Variants in ZFP14 observed in about 807,000 individuals in gnomAD.
The protein encoded by ZFP14 is zinc finger protein 14 homolog.
In ZFP14, 22 loss-of-function variants were observed where a neutral mutation model predicts 54.5. The observed-to-expected ratio is 0.40, with a 90% CI of 0.29 to 0.58. The LOEUF (loss-of-function observed/expected upper bound fraction) is 0.58. ZFP14 is among the 20% of genes least tolerant of loss of function. The pLI is 0.39. For missense variants in ZFP14, 470 were observed against 637.8 expected (o/e 0.74, Z 2.83); for synonymous variants, 159 against 204.0 (o/e 0.78, Z 1.88).
intron 1 of ZFP14, among the ~76,000 whole-genome samples, chr19:36,368,243 T>C (rs568189401): frequency 7.9e-5 from 12 of 152,162 alleles, no homozygotes; most frequent in Non-Finnish European, 1.2e-4. Context: ...CCAAGGCAGT[T>C]GGAGCACCTG....
chr19:36,376,528 G>C (rs1031437211), intron 1 of ZFP14, among the ~76,000 whole-genome samples: 1 of 151,036 alleles, frequency 6.6e-6, no homozygotes, highest in Non-Finnish European at 1.5e-5. Context: ...CTGGGTGACA[G>C]AGCAAAACTC....
chr19:36,338,208 C>T lies in ZFP14; in HGVS notation c.*2016G>A, dbSNP rs937631774. 2.6e-5 allele frequency: 4 copies of T among 152,074 alleles called. No homozygotes were observed. The highest frequency in any genetic ancestry group is 9.7e-5 in the African/African-American group (4 of 41,412). 9.4% of individuals were successfully genotyped at this position (152,074 alleles called of 1,614,324 possible). A position where few individuals can be genotyped will look rare whatever the true frequency, so the allele number is the denominator to read the frequency against. On this transcript the variant is annotated 3_prime_UTR_variant, in exon 5 of 5. Transcript: ENST00000270001. ...GTTTCACCATGTTAACCAGGTTGGT[C>T]TCAAACTCCTGGCCTCAAGTGATCC...
At chr19:36,364,177 A>G (rs902447397) in intron 2 of ZFP14, among the ~76,000 whole-genome samples, 1 of 152,126 alleles carries the variant, frequency 6.6e-6, no homozygotes, top group African/African-American at 2.4e-5. Flanking sequence ...TGAAGAAGGG[A>G]TCCCTGCCCT....
chr19:36,343,152 AT>A (rs1387026032), intron 4 of ZFP14, among the ~76,000 whole-genome samples: 2 of 152,228 alleles, frequency 1.3e-5, no homozygotes, highest in Non-Finnish European at 2.9e-5. Flanking sequence ...GACTGAAACC[AT>A]CTATAGGACA....
At chr19:36,376,347 A>G (rs1054315906) in intron 1 of ZFP14, among the ~76,000 whole-genome samples, 7 of 152,106 alleles carry the variant, frequency 4.6e-5, no homozygotes, top group African/African-American at 1.7e-4. Flanking sequence ...GGAGTTCAAG[A>G]CCAGCCTGGC....
At chr19:36,344,613 C>T (rs891988776) in intron 4 of ZFP14, among the ~76,000 whole-genome samples, 5 of 152,172 alleles carry the variant, frequency 3.3e-5, no homozygotes, top group Admixed American at 1.3e-4. Flanking sequence ...GGGAACCGGG[C>T]TGCACAGCAG....
chr19:36,359,902 G>A (rs2031681843), intron 4 of ZFP14, among the ~76,000 whole-genome samples: 1 of 152,080 alleles, frequency 6.6e-6, no homozygotes. Flanking sequence ...TGACCAGCCT[G>A]CCTCGGCCTC....
chr19:36,365,698 C>T (rs907477717), intron 2 of ZFP14, among the ~76,000 whole-genome samples: 4 of 152,042 alleles, frequency 2.6e-5, no homozygotes, highest in African/African-American at 9.7e-5. Flanking sequence ...GTGGATCACA[C>T]CTATAATGCC....
chr19:36,370,624 C>A (rs933263116), intron 1 of ZFP14, among the ~76,000 whole-genome samples: 2 of 152,240 alleles, frequency 1.3e-5, no homozygotes, highest in East Asian at 3.9e-4. Context: ...AGCACTGCAC[C>A]AGCCAGAGTG....
At chr19:36,364,985 T>C in intron 2 of ZFP14, among the ~76,000 whole-genome samples, 1 of 134,410 alleles carries the variant, frequency 7.4e-6, no homozygotes, top group South Asian at 2.3e-4. Flanking sequence ...TTCTTTCCTT[T>C]TTCTTTTTCT....
At chr19:36,352,972 G>A (rs1410984920) in intron 4 of ZFP14, among the ~76,000 whole-genome samples, 1 of 140,080 alleles carries the variant, frequency 7.1e-6, no homozygotes, top group Non-Finnish European at 1.6e-5. Context: ...CATGTGTGGT[G>A]GTGCGCACCT....
intron 4 of ZFP14, among the ~76,000 whole-genome samples, chr19:36,355,884 C>G (rs2031604756): frequency 7.0e-6 from 1 of 142,126 alleles, no homozygotes; most frequent in Non-Finnish European, 1.6e-5. Context: ...CTATGGTATT[C>G]TGTTACAGCA....
In ZFP14 at chr19:36,341,439, A is replaced by G. The variant is rs1225058807; in HGVS notation, c.387T>C (p.Ile129=). Reference sequence around the variant, plus strand: ...CCTCTTGTTGTTCCTTTTCCCCCTCAATCTTGCTTTTGCATTCCCAATCAT... The same window carrying G: ...CCTCTTGTTGTTCCTTTTCCCCCTCGATCTTGCTTTTGCATTCCCAATCAT... ...FRNDWECKSK[I]EGEKEQQEGY... is the part of the protein sequence containing the mutation. The change falls in exon 5 of 5, where the codon ATT becomes ATC. Residue 129 remains isoleucine, a synonymous_variant. Transcript: ENST00000270001. This position sits in a 1 kb window ranked among gnomAD's most constrained non-coding sequence, Gnocchi z 4.2. 15 of 1,614,072 alleles carry G rather than the reference A, an allele frequency of 9.3e-6. No homozygotes were observed. Among genetic ancestry groups the G allele is most frequent in the Middle Eastern group, 1.6e-4 (1 of 6,062 alleles).
intron 4 of ZFP14, among the ~76,000 whole-genome samples, chr19:36,359,740 C>T (rs1316990927): frequency 2.0e-5 from 3 of 151,982 alleles, no homozygotes; most frequent in East Asian, 1.9e-4. Context: ...CTGCAACCTC[C>T]GCCTCCCGGG....
At chr19:36,362,860 C>A in intron 2 of ZFP14, 2 of 279,050 alleles carry the variant, frequency 7.2e-6, no homozygotes, top group Non-Finnish European at 1.4e-5. Context: ...TCAAATTCAT[C>A]ACAAACTCGG....
intron 4 of ZFP14, among the ~76,000 whole-genome samples, chr19:36,348,974 T>C (rs1454307997): frequency 1.3e-5 from 2 of 151,878 alleles, no homozygotes; most frequent in Admixed American, 1.3e-4. Flanking sequence ...ACACCTGTAA[T>C]CCCAGCACTT....
chr19:36,350,137 CAA>C lies in ZFP14; in HGVS notation c.236-8549_236-8548del, dbSNP rs74174404. On this transcript the variant is annotated intron_variant, in intron 4 of 4. Coordinates refer to ENST00000270001, the MANE Select transcript of ZFP14 (RefSeq NM_020917.3). ...CTCTGTCTCAAAAAAACAAAACAAA[CAA>C]AAAAAAAAAACAGAAAAGAACATAA... Among the ~76,000 whole-genome samples, 3 of 126,548 alleles carry C rather than the reference CAA, an allele frequency of 2.4e-5. 1 individual carries two copies. The highest frequency in any genetic ancestry group is 5.1e-5 in the Non-Finnish European group (3 of 58,702). The allele number at this position is 126,548 out of a possible 152,430, so 83.0% of individuals were successfully genotyped here.
intron 4 of ZFP14, among the ~76,000 whole-genome samples, chr19:36,350,257 T>C (rs1295945829): frequency 2.1e-5 from 3 of 142,086 alleles, no homozygotes; most frequent in Non-Finnish European, 3.1e-5. Flanking sequence ...TCTGAAGATA[T>C]AGTAACCAGA....
At chr19:36,365,473 T>G (rs1273268754) in intron 2 of ZFP14, among the ~76,000 whole-genome samples, 2 of 152,130 alleles carry the variant, frequency 1.3e-5, no homozygotes, top group Non-Finnish European at 1.5e-5. Flanking sequence ...AAGAACGTGA[T>G]AGCGGGAACG....
Sources: gnomAD v4.1 joint callset for allele counts (sites outside exome capture counted in the v4.1 genomes callset) on GRCh38, gnomAD v4.1.1 for gene constraint, Gnocchi (gnomAD v3.1) non-coding constraint, MANE v1.5 for transcripts, NCBI Gene and HGNC (gene_info 2026-07-23, HGNC 2026-07-21) for gene names.